The following HPSE2 variants were observed in gnomAD, a reference collection of about 807,000 sequenced individuals.
HPSE2 encodes inactive heparanase-2.
Under a neutral mutation model 60.5 loss-of-function variants are expected in HPSE2, and 38 were observed. That is an observed-to-expected ratio of 0.63 (90% CI 0.48 to 0.82). The LOEUF is 0.82. Ranked by LOEUF, HPSE2 falls within the 40% of genes least tolerant of loss-of-function variation. The pLI is 0.00. For missense variants in HPSE2, 713 were observed against 740.4 expected (o/e 0.96, Z 0.43); for synonymous variants, 295 against 293.2 (o/e 1.01, Z -0.06).
the HPSE2 span, among the ~76,000 whole-genome samples, chr10:99,254,002 C>G: frequency 6.6e-6 from 1 of 152,184 alleles, no homozygotes; most frequent in Admixed American, 6.5e-5. Flanking sequence ...CTATGGAAAG[C>G]TATTTGGAGA....
At chr10:98,903,596 T>C (rs1953727205) in intron 3 of HPSE2, among the ~76,000 whole-genome samples, 1 of 152,168 alleles carries the variant, frequency 6.6e-6, no homozygotes, top group African/African-American at 2.4e-5. Context: ...TTCTTAAATA[T>C]TCCTAGAAAA....
chr10:98,811,821 C>T (rs1951174859), intron 3 of HPSE2, among the ~76,000 whole-genome samples: 1 of 152,016 alleles, frequency 6.6e-6, no homozygotes, highest in Non-Finnish European at 1.5e-5. Flanking sequence ...GCAAATATCT[C>T]CATTTATTCA....
At chr10:98,474,436 G>C (rs1194188628) in intron 11 of HPSE2, among the ~76,000 whole-genome samples, 1 of 152,158 alleles carries the variant, frequency 6.6e-6, no homozygotes, top group African/African-American at 2.4e-5. Flanking sequence ...TGTTCCAACA[G>C]GGACACGAAG....
At chr10:99,284,254 C>G in the HPSE2 span, among the ~76,000 whole-genome samples, 3 of 152,028 alleles carry the variant, frequency 2.0e-5, no homozygotes, top group Admixed American at 1.3e-4. Flanking sequence ...ATGTAATATG[C>G]CATATTAACA....
intron 2 of HPSE2, among the ~76,000 whole-genome samples, chr10:99,164,452 A>C (rs1846985048): frequency 6.6e-6 from 1 of 151,020 alleles, no homozygotes; most frequent in Non-Finnish European, 1.5e-5. Flanking sequence ...CAAATGTCCC[A>C]GTCTCATCTT....
At chr10:98,468,896 C>T (rs1940665826) in intron 11 of HPSE2, among the ~76,000 whole-genome samples, 1 of 152,150 alleles carries the variant, frequency 6.6e-6, no homozygotes, top group East Asian at 1.9e-4. Flanking sequence ...CATTTTGAGG[C>T]TGAGAAGTTT....
At chr10:98,481,767 T>C (rs1941245468) in intron 11 of HPSE2, among the ~76,000 whole-genome samples, 1 of 152,218 alleles carries the variant, frequency 6.6e-6, no homozygotes, top group African/African-American at 2.4e-5. Flanking sequence ...GCAAGCCACC[T>C]GCTCCAAGTT....
chr10:98,806,512 T>G (rs139947009), intron 3 of HPSE2, among the ~76,000 whole-genome samples: 1 of 152,318 alleles, frequency 6.6e-6, no homozygotes, highest in African/African-American at 2.4e-5. Flanking sequence ...TATGAGACCA[T>G]GGGCAAGTCA....
intron 3 of HPSE2, among the ~76,000 whole-genome samples, chr10:99,099,390 C>G (rs1010460273): frequency 2.6e-5 from 4 of 152,200 alleles, no homozygotes; most frequent in Non-Finnish European, 5.9e-5. Context: ...GAGTCTCGCT[C>G]ATTGCTAGCA....
intron 3 of HPSE2, among the ~76,000 whole-genome samples, chr10:98,781,182 A>G (rs1950457025): frequency 6.6e-6 from 1 of 152,032 alleles, no homozygotes; most frequent in Non-Finnish European, 1.5e-5. Flanking sequence ...TTAGTGCTAC[A>G]GCATAGCATA....
At chr10:99,281,123 T>C in the HPSE2 span, among the ~76,000 whole-genome samples, 12 of 126,996 alleles carry the variant, frequency 9.4e-5, no homozygotes, top group African/African-American at 2.5e-4. Context: ...ACATATACCA[T>C]AGATGCTGTA....
intron 3 of HPSE2, among the ~76,000 whole-genome samples, chr10:98,879,805 G>A (rs1952970567): frequency 6.6e-6 from 1 of 151,494 alleles, no homozygotes; most frequent in Non-Finnish European, 1.5e-5. Flanking sequence ...ACTTACAGTT[G>A]ACAGTTTTTT....
chr10:99,297,261 C>T, the HPSE2 span, among the ~76,000 whole-genome samples: 1 of 152,202 alleles, frequency 6.6e-6, no homozygotes, highest in Non-Finnish European at 1.5e-5. Flanking sequence ...GGTTACCACC[C>T]ATGCAAGCCC....
intron 6 of HPSE2, among the ~76,000 whole-genome samples, chr10:98,688,765 C>T (rs145478355): frequency 3.0e-4 from 46 of 151,880 alleles, no homozygotes; most frequent in Non-Finnish European, 5.3e-4. Context: ...CATGAGTCAC[C>T]GTGCCTGGTC....
intron 9 of HPSE2, among the ~76,000 whole-genome samples, chr10:98,598,978 G>T (rs1945323710): frequency 6.6e-6 from 1 of 151,944 alleles, no homozygotes; most frequent in Non-Finnish European, 1.5e-5. Flanking sequence ...GGGTGACCTG[G>T]ATCCTTAGGC....
intron 4 of HPSE2, among the ~76,000 whole-genome samples, chr10:98,736,635 T>C (rs973801444): frequency 6.6e-6 from 1 of 152,232 alleles, no homozygotes; most frequent in Non-Finnish European, 1.5e-5. Context: ...GGTTTAACAA[T>C]TTTCCTGATT....
intron 2 of HPSE2, among the ~76,000 whole-genome samples, chr10:99,206,756 T>C (rs1848763280): frequency 6.6e-6 from 1 of 151,664 alleles, no homozygotes; most frequent in South Asian, 2.1e-4. Context: ...GCTTAAAAAA[T>C]ACAATGAATC....
intron 3 of HPSE2, among the ~76,000 whole-genome samples, chr10:99,129,544 C>T (rs1483614337): frequency 6.6e-6 from 1 of 151,850 alleles, no homozygotes; most frequent in East Asian, 1.9e-4. Context: ...TTTGGGTCAA[C>T]AATGAAATCA....
chr10:99,196,397 T>G (rs1231286470), intron 2 of HPSE2, among the ~76,000 whole-genome samples: 1 of 151,930 alleles, frequency 6.6e-6, no homozygotes, highest in Non-Finnish European at 1.5e-5. Context: ...CAGCAAAGGA[T>G]TCAACCAACA....
Sources: allele counts gnomAD v4.1 joint callset (sites outside exome capture counted in the v4.1 genomes callset), GRCh38; gene constraint gnomAD v4.1.1; transcripts MANE v1.5; gene names NCBI Gene and HGNC (gene_info 2026-07-23, HGNC 2026-07-21).